EPB41L3: variants seen among roughly 807,000 people sequenced by gnomAD.
The protein encoded by EPB41L3 is band 4.1-like protein 3.
Under a neutral mutation model 127.1 loss-of-function variants are expected in EPB41L3, and 57 were observed. The observed-to-expected ratio is 0.45, with a 90% CI of 0.36 to 0.56. The LOEUF is 0.56. Among genes scored for constraint, EPB41L3 ranks in the 20% least tolerant of loss-of-function variants. The pLI, the probability that EPB41L3 is intolerant of heterozygous loss-of-function variation, is 0.00. For synonymous variants in EPB41L3, 572 were observed against 549.5 expected (o/e 1.04, Z -0.57); for missense variants, 1,273 against 1,372.2 (o/e 0.93, Z 1.14).
chr18:5,463,117 C>T (rs1380516170), intron 3 of EPB41L3, among the ~76,000 whole-genome samples: 2 of 152,190 alleles, frequency 1.3e-5, no homozygotes, highest in Non-Finnish European at 2.9e-5. Flanking sequence ...CTCTCTACCT[C>T]ATTGCCAATT....
At chr18:5,488,707 A>C (rs1258064578) in intron 2 of EPB41L3, 3 of 336,896 alleles carry the variant, frequency 8.9e-6, no homozygotes, top group Non-Finnish European at 1.6e-5. Context: ...AGCATAATTA[A>C]AGCTCTCAGT....
At chr18:5,515,359 T>TC (rs2092707855) in intron 1 of EPB41L3, among the ~76,000 whole-genome samples, 1 of 152,220 alleles carries the variant, frequency 6.6e-6, no homozygotes, top group African/African-American at 2.4e-5. Flanking sequence ...TATGAATTCT[T>TC]CAACCATTTG....
intron 1 of EPB41L3, among the ~76,000 whole-genome samples, chr18:5,524,174 T>G (rs1331312879): frequency 6.6e-6 from 1 of 152,108 alleles, no homozygotes. Context: ...TTTTCATTTT[T>G]TTTTTTGTTG....
At chr18:5,535,916 T>C (rs1472647522) in intron 1 of EPB41L3, among the ~76,000 whole-genome samples, 1 of 152,194 alleles carries the variant, frequency 6.6e-6, no homozygotes, top group East Asian at 1.9e-4. Context: ...AAGCTTAATA[T>C]TTTCCATCTC....
At chr18:5,441,462 ATTTTTT>A (rs201943060) in intron 5 of EPB41L3, among the ~76,000 whole-genome samples, 145 of 139,702 alleles carry the variant, frequency 1.0e-3, no homozygotes, top group Middle Eastern at 3.8e-3. Context: ...TCGAATTCCA[ATTTTTT>A]TTTTTTTTTT....
At chr18:5,453,669 C>A (rs1389395048) in intron 3 of EPB41L3, among the ~76,000 whole-genome samples, 1 of 152,068 alleles carries the variant, frequency 6.6e-6, no homozygotes, top group Non-Finnish European at 1.5e-5. Flanking sequence ...CTCAAATAGA[C>A]CCCTGATTTT....
intron 1 of EPB41L3, among the ~76,000 whole-genome samples, chr18:5,537,423 T>C (rs1432426507): frequency 6.6e-6 from 1 of 152,146 alleles, no homozygotes; most frequent in African/African-American, 2.4e-5. Flanking sequence ...ATATCAATCA[T>C]TGAGAGAAAA....
intron 1 of EPB41L3, among the ~76,000 whole-genome samples, chr18:5,616,858 C>T (rs1475209505): frequency 6.6e-6 from 1 of 152,170 alleles, no homozygotes; most frequent in East Asian, 1.9e-4. Context: ...ATTTAGTGAA[C>T]ATGCCATACT....
chr18:5,494,768 C>T (rs538902570), intron 1 of EPB41L3, among the ~76,000 whole-genome samples: 1 of 151,424 alleles, frequency 6.6e-6, no homozygotes, highest in East Asian at 1.9e-4. Context: ...ATCGCATGCA[C>T]TTACTTGCGT....
At chr18:5,518,078 G>T (rs935020217) in intron 1 of EPB41L3, among the ~76,000 whole-genome samples, 2 of 152,066 alleles carry the variant, frequency 1.3e-5, no homozygotes, top group Non-Finnish European at 2.9e-5. Context: ...TCCCCACAAG[G>T]TCTATTTATT....
intron 1 of EPB41L3, chr18:5,489,451 G>T (rs2090327388): frequency 2.4e-6 from 1 of 420,424 alleles, no homozygotes; most frequent in African/African-American, 2.1e-5. Context: ...ATTCCTATTA[G>T]ATTTTTGCCA....
chr18:5,546,461 T>C (rs1032653848), upstream of EPB41L3, among the ~76,000 whole-genome samples: 2 of 148,910 alleles, frequency 1.3e-5, no homozygotes, highest in African/African-American at 2.5e-5. Flanking sequence ...ACCTGAGAGG[T>C]AGAGGTTGCA....
chr18:5,530,839 C>A (rs1264596802), intron 1 of EPB41L3, among the ~76,000 whole-genome samples: 3 of 152,146 alleles, frequency 2.0e-5, no homozygotes, highest in Non-Finnish European at 2.9e-5. Context: ...TGGGAGGCAA[C>A]AATTAATTAT....
At chr18:5,524,385 G>A (rs1426280386) in intron 1 of EPB41L3, among the ~76,000 whole-genome samples, 1 of 152,110 alleles carries the variant, frequency 6.6e-6, no homozygotes, top group Non-Finnish European at 1.5e-5. Context: ...AGTAGAGACA[G>A]GGTTTCACCA....
chr18:5,615,402 G>T (rs1011336352), intron 1 of EPB41L3, among the ~76,000 whole-genome samples: 12 of 151,996 alleles, frequency 7.9e-5, no homozygotes, highest in Admixed American at 7.9e-4. Context: ...GTACATAGAA[G>T]ATGTACACAT....
At chr18:5,480,823 T>C (rs1215139749) in intron 2 of EPB41L3, 1 of 152,232 alleles carries the variant, frequency 6.6e-6, no homozygotes, top group Non-Finnish European at 1.5e-5. Context: ...ATAAAGTATA[T>C]TTAATCATGT....
intron 16 of EPB41L3, among the ~76,000 whole-genome samples, chr18:5,401,965 T>C (rs2074564068): frequency 6.6e-6 from 1 of 152,134 alleles, no homozygotes; most frequent in East Asian, 1.9e-4. Context: ...ATACATCTTA[T>C]CATTACAAAC....
intron 1 of EPB41L3, among the ~76,000 whole-genome samples, chr18:5,505,011 C>T (rs1307648529): frequency 6.6e-6 from 1 of 152,174 alleles, no homozygotes; most frequent in East Asian, 1.9e-4. Context: ...CCAACACCAC[C>T]TTCACTCAGC....
At chr18:5,478,880 G>A (rs995593363) in intron 2 of EPB41L3, among the ~76,000 whole-genome samples, 5 of 152,118 alleles carry the variant, frequency 3.3e-5, no homozygotes, top group African/African-American at 1.2e-4. Flanking sequence ...CAAGATATCT[G>A]ATAAACTCTA....
Sources: allele counts gnomAD v4.1 joint callset (sites outside exome capture counted in the v4.1 genomes callset), GRCh38; gene constraint gnomAD v4.1.1; transcripts MANE v1.5; gene names NCBI Gene and HGNC (gene_info 2026-07-23, HGNC 2026-07-21).